GNPTAB: variants seen among roughly 807,000 people sequenced by gnomAD.
GNPTAB encodes N-acetylglucosamine-1-phosphate transferase subunits alpha and beta, also known as N-acetylglucosamine-1-phosphotransferase subunits alpha/beta.
Under a neutral mutation model 136.6 loss-of-function variants are expected in GNPTAB, and 92 were observed. The observed-to-expected ratio is 0.67, with a 90% CI of 0.57 to 0.80. The LOEUF (loss-of-function observed/expected upper bound fraction) is 0.80, where lower values mean the gene tolerates loss of function less well. Ranked by LOEUF, GNPTAB falls within the 30% of genes least tolerant of loss-of-function variation. The probability of loss-of-function intolerance (pLI) is 0.00; values close to 1 mark genes in which losing one functional copy is unlikely to be tolerated. For missense variants in GNPTAB, 1,343 were observed against 1,501.8 expected, an observed-to-expected ratio of 0.89 and a Z score of 1.75; for synonymous variants, 512 against 535.1, an observed-to-expected ratio of 0.96 and a Z score of 0.60.
intron 1 of GNPTAB, among the ~76,000 whole-genome samples, chr12:101,827,675 C>G (rs1871159079): frequency 6.6e-6 from 1 of 152,164 alleles, no homozygotes; most frequent in African/African-American, 2.4e-5. Context: ...TAACAATGAT[C>G]TTCTGAGGGC....
At chr12:101,769,337 C>T (rs758253662) in intron 10 of GNPTAB, among the ~76,000 whole-genome samples, 14 of 152,170 alleles carry the variant, frequency 9.2e-5, no homozygotes, top group South Asian at 8.3e-4. Flanking sequence ...GAAATTACAT[C>T]TATAGCTTTA....
intron 1 of GNPTAB, among the ~76,000 whole-genome samples, chr12:101,804,622 A>G (rs1037645800): frequency 3.9e-5 from 6 of 152,342 alleles, no homozygotes; most frequent in African/African-American, 1.4e-4. Context: ...ACTAAGTAAT[A>G]TAAGAAATTC....
chr12:101,784,680 G>GAAA (rs5800486), intron 5 of GNPTAB, among the ~76,000 whole-genome samples: 10 of 139,850 alleles, frequency 7.2e-5, no homozygotes, highest in African/African-American at 2.3e-4. Context: ...GAATCATGTG[G>GAAA]AAAAAAAAAA....
intron 2 of GNPTAB, among the ~76,000 whole-genome samples, chr12:101,792,616 C>A (rs1869054694): frequency 6.6e-6 from 1 of 152,068 alleles, no homozygotes; most frequent in Admixed American, 6.6e-5. Context: ...CTTCCTTTAA[C>A]CACCTCCTCC....
chr12:101,817,237 T>C (rs1164260022), intron 1 of GNPTAB, among the ~76,000 whole-genome samples: 1 of 150,426 alleles, frequency 6.6e-6, no homozygotes, highest in Non-Finnish European at 1.5e-5. Flanking sequence ...ATGATGGATA[T>C]CCCCATTACC....
chr12:101,814,257 C>G (rs1235080253), intron 1 of GNPTAB, among the ~76,000 whole-genome samples: 1 of 151,932 alleles, frequency 6.6e-6, no homozygotes, highest in African/African-American at 2.4e-5. Context: ...TGACATTGAG[C>G]CATTGCACTC....
chr12:101,798,273 A>G (rs1483877308), intron 1 of GNPTAB, among the ~76,000 whole-genome samples: 1 of 152,056 alleles, frequency 6.6e-6, no homozygotes, highest in Non-Finnish European at 1.5e-5. Context: ...TTGCCAGCTC[A>G]TTCCCTTCTA....
chr12:101,787,192 C>T (rs1868703881), intron 4 of GNPTAB, among the ~76,000 whole-genome samples: 1 of 152,164 alleles, frequency 6.6e-6, no homozygotes, highest in Non-Finnish European at 1.5e-5. Flanking sequence ...GAAAATGCCA[C>T]AGACCTAAAT....
intron 5 of GNPTAB, among the ~76,000 whole-genome samples, chr12:101,781,358 G>C (rs1442785616): frequency 6.6e-6 from 1 of 152,076 alleles, no homozygotes. Flanking sequence ...GTCAATCCTG[G>C]GCATGAGTCT....
intron 7 of GNPTAB, among the ~76,000 whole-genome samples, chr12:101,772,471 G>A (rs1228143352): frequency 6.6e-6 from 1 of 152,196 alleles, no homozygotes; most frequent in African/African-American, 2.4e-5. Context: ...CCCTTATGAT[G>A]TAGGCCATTA....
chr12:101,802,766 C>G (rs540052166), intron 1 of GNPTAB, among the ~76,000 whole-genome samples: 1 of 152,290 alleles, frequency 6.6e-6, no homozygotes, highest in South Asian at 2.1e-4. Context: ...TTCTCAAGAA[C>G]TCTCCCAGCT....
chr12:101,751,163 T>A (rs1952812273), intron 19 of GNPTAB, among the ~76,000 whole-genome samples: 1 of 152,256 alleles, frequency 6.6e-6, no homozygotes, highest in Non-Finnish European at 1.5e-5. Flanking sequence ...CAATCTTTTT[T>A]CTCGACACAG....
chr12:101,819,749 G>A (rs73168318), intron 1 of GNPTAB, among the ~76,000 whole-genome samples: 13,719 of 152,044 alleles, frequency 0.09, 806 homozygotes, highest in Admixed American at 0.17. Context: ...CATCTGTATC[G>A]CAAGATGAGA....
chr12:101,828,679 G>A (rs1316380445), intron 1 of GNPTAB, among the ~76,000 whole-genome samples: 2 of 151,630 alleles, frequency 1.3e-5, no homozygotes, highest in Non-Finnish European at 2.9e-5. Context: ...GACAGTGTGA[G>A]ACTCCATCTC....
chr12:101,828,435 G>A (rs1014406139), intron 1 of GNPTAB, among the ~76,000 whole-genome samples: 10 of 152,140 alleles, frequency 6.6e-5, no homozygotes, highest in Non-Finnish European at 1.3e-4. Flanking sequence ...CAAAGCAAGC[G>A]AATCATGAGG....
In GNPTAB at chr12:101,764,239, G is replaced by A. The variant is rs746870755; in HGVS notation, c.2678C>T (p.Pro893Leu). 2 of 1,613,422 alleles carry A rather than the reference G, an allele frequency of 1.2e-6. No homozygotes were observed. Among genetic ancestry groups the A allele is most frequent in the Middle Eastern group, 1.7e-4 (1 of 6,056 alleles). The change falls in exon 13 of 21, where the codon CCA (proline) becomes CTA (leucine). Residue 893 changes from proline (P) to leucine (L), a missense_variant. Transcript: ENST00000299314. ...TTGGAAATACTTTTTTTTCTCCCAT[G>A]GCAAAAAGCCCAAGTAACTATCTGT... ...HYTDSYLGFL[P>L]WEKKKYFQDL...
In GNPTAB at chr12:101,760,690, C is replaced by A. The variant is rs1389076845; in HGVS notation, c.3135+437G>T. ...CACTAAAACAGACTAGCTATGAATACCCACAGTAAATATTAAGAATTATTT... is the reference window on the plus strand; with the variant it reads ...CACTAAAACAGACTAGCTATGAATAACCACAGTAAATATTAAGAATTATTT... On this transcript the variant is annotated intron_variant, in intron 15 of 20. Transcript: ENST00000299314. Among the ~76,000 whole-genome samples, 5 of 152,154 alleles carry A rather than the reference C, an allele frequency of 3.3e-5. No homozygotes were observed. In the East Asian group the frequency reaches 9.6e-4, roughly 29 times the overall value.
chr12:101,828,464 T>G (rs1202037811), intron 1 of GNPTAB, among the ~76,000 whole-genome samples: 1 of 152,032 alleles, frequency 6.6e-6, no homozygotes, highest in Non-Finnish European at 1.5e-5. Context: ...TCGAGACCAG[T>G]CTGGCCAACA....
intron 10 of GNPTAB, among the ~76,000 whole-genome samples, chr12:101,768,776 T>A (rs1266045546): frequency 6.6e-6 from 1 of 152,254 alleles, no homozygotes; most frequent in Non-Finnish European, 1.5e-5. Context: ...CTTTGCATAT[T>A]CTAATTGGAA....
Sources: gnomAD v4.1 joint callset for allele counts (sites outside exome capture counted in the v4.1 genomes callset) on GRCh38, gnomAD v4.1.1 for gene constraint, MANE v1.5 for transcripts, NCBI Gene and HGNC (gene_info 2026-07-23, HGNC 2026-07-21) for gene names.